Variants in LPAR3 observed in about 807,000 individuals in gnomAD.
The protein encoded by LPAR3 is lysophosphatidic acid receptor 3, also known as LPA receptor 3.
In LPAR3, 7 loss-of-function variants were observed where a neutral mutation model predicts 17.8. The observed-to-expected ratio is 0.39, with a 90% CI of 0.22 to 0.74. The LOEUF (loss-of-function observed/expected upper bound fraction) is 0.74, where lower values mean the gene tolerates loss of function less well. Ranked by LOEUF, LPAR3 falls within the 30% of genes least tolerant of loss-of-function variation. The pLI, the probability that LPAR3 is intolerant of heterozygous loss-of-function variation, is 0.40. For missense variants in LPAR3, 391 were observed against 453.4 expected (o/e 0.86, Z 1.25); for synonymous variants, 179 against 179.9 (o/e 0.99, Z 0.04).
intron 2 of LPAR3, among the ~76,000 whole-genome samples, chr1:84,847,794 T>C (rs1365196130): frequency 6.6e-6 from 1 of 152,204 alleles, no homozygotes; most frequent in Non-Finnish European, 1.5e-5. Context: ...CCTACAGCCA[T>C]GGCCAGGCCT....
chr1:84,811,860 T>C lies in LPAR3; in HGVS notation c.*1986A>G, dbSNP rs1411345141. ...ACTATAATATCTACCTTGAAGTTAT[T>C]CTCATTTTAAATCAGAATACACTCT... On this transcript the variant is annotated 3_prime_UTR_variant, in exon 3 of 3. Transcript: ENST00000370611. 6.6e-6 allele frequency: 1 copy of C among 152,200 alleles called. No homozygotes were observed. The highest frequency in any genetic ancestry group is 1.5e-5 in the Non-Finnish European group (1 of 68,032). The allele number at this position is 152,200 out of a possible 1,614,324, so 9.4% of individuals were successfully genotyped here.
At chr1:84,854,986 G>A (rs1659790113) in intron 2 of LPAR3, among the ~76,000 whole-genome samples, 1 of 152,196 alleles carries the variant, frequency 6.6e-6, no homozygotes, top group African/African-American at 2.4e-5. Flanking sequence ...ATACTCTGCA[G>A]AGTTAACAAC....
At chr1:84,857,052 C>G (rs1271080179) in intron 2 of LPAR3, among the ~76,000 whole-genome samples, 1 of 152,108 alleles carries the variant, frequency 6.6e-6, no homozygotes, top group African/African-American at 2.4e-5. Context: ...GTACCATTTG[C>G]CATCTGTCAA....
At chr1:84,852,055 T>A (rs1253640847) in intron 2 of LPAR3, among the ~76,000 whole-genome samples, 3 of 150,176 alleles carry the variant, frequency 2.0e-5, no homozygotes, top group African/African-American at 7.3e-5. Flanking sequence ...TGACTAATTT[T>A]TTTTTTTTTT....
chr1:84,838,522 T>C (rs918562920), intron 2 of LPAR3, among the ~76,000 whole-genome samples: 1 of 152,216 alleles, frequency 6.6e-6, no homozygotes, highest in African/African-American at 2.4e-5. Flanking sequence ...CCATTGACTC[T>C]GCCTCCTCAG....
rs1187756554 is a variant in LPAR3 at position 84,879,316 on chromosome 1, C to CTTTTTTTTTTTTTTTT, written c.-18-13179_-18-13178insAAAAAAAAAAAAAAAA. On this transcript the variant is annotated intron_variant, in intron 1 of 2. Coordinates refer to ENST00000370611, the MANE Select transcript of LPAR3 (RefSeq NM_012152.3). ...TTTTCTTTCTTTTCTTTTCTTTTTT[C>CTTTTTTTTTTTTTTTT]TTTTTTTTTTTTTGAGATGGAATCT... Among the ~76,000 whole-genome samples, 168 of 120,612 alleles carry CTTTTTTTTTTTTTTTT rather than the reference C, an allele frequency of 1.4e-3. 10 individuals are homozygous for CTTTTTTTTTTTTTTTT. The highest frequency in any genetic ancestry group is 5.1e-3 in the African/African-American group (146 of 28,660). The allele number at this position is 120,612 out of a possible 152,430, so 79.1% of individuals were successfully genotyped here.
chr1:84,889,057 G>A (rs1027267668), intron 1 of LPAR3, among the ~76,000 whole-genome samples: 1 of 152,022 alleles, frequency 6.6e-6, no homozygotes, highest in African/African-American at 2.4e-5. Flanking sequence ...ATGGGCAAGG[G>A]AGGAGTTCAA....
At chr1:84,857,045 C>A (rs763429528) in intron 2 of LPAR3, among the ~76,000 whole-genome samples, 1 of 152,234 alleles carries the variant, frequency 6.6e-6, no homozygotes, top group Admixed American at 6.5e-5. Flanking sequence ...AGAGCTGGTA[C>A]CATTTGCCAT....
chr1:84,843,343 GA>G (rs1248299361), intron 2 of LPAR3, among the ~76,000 whole-genome samples: 29 of 152,224 alleles, frequency 1.9e-4, no homozygotes, highest in African/African-American at 6.5e-4. Context: ...CTTGGTAAGT[GA>G]AAGTTTCTCT....
rs768328396 is a variant in LPAR3 at position 84,865,400 on chromosome 1, C to G, written c.721G>C (p.Val241Leu). The G allele has an allele frequency of 1.2e-6, 2 of 1,612,374 alleles. No homozygotes were observed. The highest frequency in any genetic ancestry group is 1.7e-6 in the Non-Finnish European group (2 of 1,179,104). Residue 241 changes from valine (V) to leucine (L), a missense_variant, in exon 2 of 3, where the codon GTG becomes CTG. Coordinates refer to ENST00000370611, the MANE Select transcript of LPAR3 (RefSeq NM_012152.3). ...RRTPMKLMKT[V>L]MTVLGAFVVC... ...TCTTACCTACCTAAGACAGTCATCA[C>G]CGTCTTCATTAGCTTCATGGGTGTC...
intron 2 of LPAR3, among the ~76,000 whole-genome samples, chr1:84,838,074 G>T (rs1212216271): frequency 6.6e-6 from 1 of 152,026 alleles, no homozygotes; most frequent in Non-Finnish European, 1.5e-5. Flanking sequence ...AGCATGTATT[G>T]GGGCATAAAG....
chr1:84,824,919 T>TTACCA (rs1246294143), intron 2 of LPAR3, among the ~76,000 whole-genome samples: 1 of 152,216 alleles, frequency 6.6e-6, no homozygotes, highest in African/African-American at 2.4e-5. Flanking sequence ...GATTACCCAG[T>TTACCA]GCTTAGCCAA....
At chr1:84,870,063 T>C (rs1158525949) in intron 1 of LPAR3, among the ~76,000 whole-genome samples, 1 of 152,162 alleles carries the variant, frequency 6.6e-6, no homozygotes, top group Non-Finnish European at 1.5e-5. Flanking sequence ...TACCAAAAAT[T>C]TTTAGCAAGC....
At chr1:84,867,492 CAAG>C (rs1660074616) in intron 1 of LPAR3, among the ~76,000 whole-genome samples, 1 of 152,046 alleles carries the variant, frequency 6.6e-6, no homozygotes, top group Admixed American at 6.6e-5. Context: ...CAACCAGAAT[CAAG>C]AAGACCAGAT....
intron 1 of LPAR3, among the ~76,000 whole-genome samples, chr1:84,882,522 T>A (rs1660384083): frequency 6.6e-6 from 1 of 152,184 alleles, no homozygotes; most frequent in South Asian, 2.1e-4. Context: ...GGACCCTGAA[T>A]AGCTAAAACA....
chr1:84,859,175 C>A (rs1659887213), intron 2 of LPAR3, among the ~76,000 whole-genome samples: 1 of 152,172 alleles, frequency 6.6e-6, no homozygotes, highest in Admixed American at 6.5e-5. Flanking sequence ...CACAGTACTG[C>A]AGAAACATCA....
chr1:84,875,031 C>T (rs144425906), intron 1 of LPAR3, among the ~76,000 whole-genome samples: 1,861 of 152,058 alleles, frequency 0.012, 33 homozygotes, highest in African/African-American at 0.043. Context: ...TCCTGAGTGG[C>T]TGGGACTACA....
intron 1 of LPAR3, among the ~76,000 whole-genome samples, chr1:84,877,550 C>T (rs907983187): frequency 1.3e-5 from 2 of 152,224 alleles, no homozygotes; most frequent in African/African-American, 4.8e-5. Context: ...TTCTTAACCT[C>T]TGTTCCTTCA....
Position 84,865,593 on chromosome 1 carries a change from G to A in LPAR3, c.528C>T (p.Cys176=), listed in dbSNP as rs781296078. Residue 176 remains cysteine, a synonymous_variant, in exon 2 of 3, where the codon TGC becomes TGT. Transcript: ENST00000370611. Reference sequence around the variant, plus strand: ...TGCTGTAAATGGGGGCCAGGGAAGAGCAGGCAGAGATGTTGCAGAGGCAAT... The same window carrying A: ...TGCTGTAAATGGGGGCCAGGGAAGAACAGGCAGAGATGTTGCAGAGGCAAT... ...GWNCLCNISA[C]SSLAPIYSRS... 1.2e-6 allele frequency: 2 copies of A among 1,614,232 alleles called. No homozygotes were observed. The highest frequency in any genetic ancestry group is 1.1e-5 in the South Asian group (1 of 91,092).
Sources: allele counts gnomAD v4.1 joint callset (sites outside exome capture counted in the v4.1 genomes callset), GRCh38; gene constraint gnomAD v4.1.1; transcripts MANE v1.5; gene names NCBI Gene and HGNC (gene_info 2026-07-23, HGNC 2026-07-21).